HIVEP3: variants seen among roughly 807,000 people sequenced by gnomAD.
The protein encoded by HIVEP3 is HIVEP zinc finger 3, also known as transcription factor HIVEP3.
In HIVEP3, 49 loss-of-function variants were observed where a neutral mutation model predicts 152.8. That is an observed-to-expected ratio of 0.32 (90% CI 0.26 to 0.41). The LOEUF is 0.41. HIVEP3 is among the 10% of genes least tolerant of loss of function. HIVEP3 has a pLI of 1.00. For missense variants in HIVEP3, 2,790 were observed against 3,103.3 expected, an observed-to-expected ratio of 0.90 and a Z score of 2.40; for synonymous variants, 1,269 against 1,289.0, an observed-to-expected ratio of 0.98 and a Z score of 0.33.
At chr1:41,868,315 T>C (rs1296895484) in intron 1 of HIVEP3, among the ~76,000 whole-genome samples, 2 of 151,612 alleles carry the variant, frequency 1.3e-5, no homozygotes, top group East Asian at 2.0e-4. Context: ...TCTACAAATA[T>C]ACAAATATTT....
Position 41,866,437 on chromosome 1 carries a change from G to A in HIVEP3, c.-801+51976C>T, listed in dbSNP as rs537497994. Among the ~76,000 whole-genome samples, 5 of 152,356 alleles carry A rather than the reference G, an allele frequency of 3.3e-5. No homozygotes were observed. The East Asian group carries it at 9.6e-4, about 29-fold the overall frequency. The stretch of plus-strand genomic sequence containing the variant: ...TCGGCCCCAGGCCAGGCCACTGCCT[G>A]TACTGACTCCTGGGCCTCTATGCAG... On this transcript the variant is annotated intron_variant, in intron 1 of 8. Transcript: ENST00000372583.
intron 1 of HIVEP3, among the ~76,000 whole-genome samples, chr1:41,744,336 G>A (rs540637957): frequency 9.2e-5 from 14 of 152,292 alleles, no homozygotes; most frequent in South Asian, 2.1e-4. Flanking sequence ...ATCACGCCTG[G>A]CCCAGCCAGC....
intron 5 of HIVEP3, among the ~76,000 whole-genome samples, chr1:41,571,683 C>T (rs371760391): frequency 9.2e-5 from 14 of 152,148 alleles, no homozygotes; most frequent in African/African-American, 2.2e-4. Flanking sequence ...TTGGGAGGCT[C>T]GTTAGAGGAG....
At chr1:41,658,628 G>A (rs867920509) in intron 2 of HIVEP3, among the ~76,000 whole-genome samples, 2 of 152,178 alleles carry the variant, frequency 1.3e-5, no homozygotes, top group Admixed American at 6.5e-5. Flanking sequence ...GCTCTGCAGC[G>A]GAGGAAGCAG....
intron 1 of HIVEP3, among the ~76,000 whole-genome samples, chr1:41,714,372 C>T (rs1022559771): frequency 2.6e-5 from 4 of 152,176 alleles, no homozygotes; most frequent in Non-Finnish European, 4.4e-5. Context: ...CCATGGGTAC[C>T]ATGCCACCTT....
chr1:41,784,458 T>C (rs897046175), intron 1 of HIVEP3, among the ~76,000 whole-genome samples: 1 of 152,230 alleles, frequency 6.6e-6, no homozygotes, highest in African/African-American at 2.4e-5. Context: ...GGTTCACATT[T>C]GTGGCTTGCA....
At chr1:41,876,675 T>C (rs779277439) in intron 1 of HIVEP3, among the ~76,000 whole-genome samples, 1 of 152,182 alleles carries the variant, frequency 6.6e-6, no homozygotes, top group African/African-American at 2.4e-5. Flanking sequence ...ATTGTCTCTT[T>C]AAATGTTATC....
intron 2 of HIVEP3, among the ~76,000 whole-genome samples, chr1:41,636,503 C>T (rs963467766): frequency 1.3e-5 from 2 of 151,860 alleles, no homozygotes. Context: ...AACAAAAAAC[C>T]CCAGTTAATC....
upstream of HIVEP3, among the ~76,000 whole-genome samples, chr1:41,923,758 C>T (rs61775776): frequency 7.6e-3 from 1,150 of 151,914 alleles, 6 homozygotes; most frequent in Non-Finnish European, 0.013. Context: ...CACATTGTAC[C>T]CATAAATATA....
intron 2 of HIVEP3, among the ~76,000 whole-genome samples, chr1:41,686,191 T>C (rs12062503): frequency 0.065 from 9,851 of 151,988 alleles, 685 homozygotes; most frequent in African/African-American, 0.18. Flanking sequence ...CATGCCTCAG[T>C]CTCCCGAGTA....
At chr1:41,814,669 T>C (rs1651158985) in intron 1 of HIVEP3, among the ~76,000 whole-genome samples, 1 of 152,260 alleles carries the variant, frequency 6.6e-6, no homozygotes, top group South Asian at 2.1e-4. Flanking sequence ...TATTCATTTA[T>C]GACCACTCTC....
intron 1 of HIVEP3, among the ~76,000 whole-genome samples, chr1:41,977,544 T>A (rs1645267209): frequency 6.6e-6 from 1 of 152,172 alleles, no homozygotes; most frequent in South Asian, 2.1e-4. Context: ...GCTCCCAGAC[T>A]GATTGATGAT....
At chr1:41,619,440 T>C (rs80309596) in intron 3 of HIVEP3, among the ~76,000 whole-genome samples, 3,222 of 152,350 alleles carry the variant, frequency 0.021, 123 homozygotes, top group African/African-American at 0.074. Context: ...ATATACAGTC[T>C]ATAGAGAGTG....
chr1:41,723,492 ACACAGCCAC>A, intron 1 of HIVEP3, among the ~76,000 whole-genome samples: 1 of 129,268 alleles, frequency 7.7e-6, no homozygotes, highest in African/African-American at 3.4e-5. Context: ...ACACACACAC[ACACAGCCAC>A]CACACACACA....
intron 1 of HIVEP3, among the ~76,000 whole-genome samples, chr1:41,746,395 C>T (rs1443147844): frequency 6.6e-6 from 1 of 152,250 alleles, no homozygotes; most frequent in Non-Finnish European, 1.5e-5. Context: ...CTCTTCTTTG[C>T]TTGGCACAGG....
intron 1 of HIVEP3, among the ~76,000 whole-genome samples, chr1:41,804,078 A>G (rs1264846821): frequency 6.6e-6 from 1 of 152,238 alleles, no homozygotes; most frequent in African/African-American, 2.4e-5. Flanking sequence ...ACCTTAATGT[A>G]GAATGTATAT....
intron 3 of HIVEP3, among the ~76,000 whole-genome samples, chr1:41,602,604 T>A (rs1027686564): frequency 6.6e-6 from 1 of 152,120 alleles, no homozygotes; most frequent in African/African-American, 2.4e-5. Context: ...TTTATAATTT[T>A]ATTTATTTGA....
chr1:42,017,031 G>C (rs933251124), intron 1 of HIVEP3, among the ~76,000 whole-genome samples: 1 of 151,992 alleles, frequency 6.6e-6, no homozygotes, highest in Non-Finnish European at 1.5e-5. Flanking sequence ...CCAAACCTTA[G>C]CAACACTGAG....
intron 1 of HIVEP3, among the ~76,000 whole-genome samples, chr1:41,770,996 G>C (rs902867961): frequency 6.8e-6 from 1 of 147,746 alleles, no homozygotes; most frequent in Non-Finnish European, 1.5e-5. Flanking sequence ...CTGTTGGGTA[G>C]AAAAAAAAAA....
Sources: allele counts gnomAD v4.1 joint callset (sites outside exome capture counted in the v4.1 genomes callset), GRCh38; gene constraint gnomAD v4.1.1; transcripts MANE v1.5; gene names NCBI Gene and HGNC (gene_info 2026-07-23, HGNC 2026-07-21).